The following FGF13 variants were observed in gnomAD, a reference collection of about 807,000 sequenced individuals.
The protein encoded by FGF13 is fibroblast growth factor 13, also known as fibroblast growth factor homologous factor 2.
FGF13 carries 2 observed loss-of-function variants against 19.5 expected under a neutral mutation model. The ratio of observed to expected loss-of-function variants is 0.10; its 90% confidence interval spans 0.04 to 0.32. The LOEUF is 0.32. FGF13 is among the 10% of genes least tolerant of loss of function. FGF13 has a pLI of 1.00. For missense variants in FGF13, 113 were observed against 192.7 expected (o/e 0.59, Z 2.45); for synonymous variants, 72 against 76.9 (o/e 0.94, Z 0.33).
At chrX:139,135,360 T>G (rs1461238025) in intron 1 of FGF13, among the ~76,000 whole-genome samples, 1 of 112,378 alleles carries the variant, frequency 8.9e-6, no homozygotes, top group Non-Finnish European at 1.9e-5. Flanking sequence ...ATTGTAAAAG[T>G]GACTGTCCAG....
intron 1 of FGF13, among the ~76,000 whole-genome samples, chrX:138,929,253 GTGTGTGTGTGTGTCTCTC>G (rs1313729956): frequency 5.5e-5 from 6 of 108,833 alleles, no homozygotes; most frequent in African/African-American, 2.0e-4. Context: ...GTGTGTGTGT[GTGTGTGTGTGTGTCTCTC>G]TGTGTGTGTG....
chrX:138,756,217 C>T lies in FGF13; in HGVS notation c.218-47289G>A, dbSNP rs183896288. Among the ~76,000 whole-genome samples, 4 of 112,652 alleles carry T rather than the reference C, an allele frequency of 3.6e-5. No individual in the cohort carries two copies. The East Asian group carries it at 1.1e-3, about 32-fold the overall frequency. On this transcript the variant is annotated intron_variant, in intron 3 of 6. Transcript: ENST00000436198. ...ACTAACAAAAGGAGTTTCTCATCCTCCAGATGAAAACCTTTGCTACAATTC... is the reference window on the plus strand; with the variant it reads ...ACTAACAAAAGGAGTTTCTCATCCTTCAGATGAAAACCTTTGCTACAATTC...
intron 3 of FGF13, among the ~76,000 whole-genome samples, chrX:138,789,402 G>A (rs1453275486): frequency 9.6e-6 from 1 of 104,408 alleles, no homozygotes; most frequent in African/African-American, 3.5e-5. Flanking sequence ...GGATGGTCTC[G>A]ATCTCCTGAC....
chrX:139,159,601 G>A (rs1012897032), intron 1 of FGF13, among the ~76,000 whole-genome samples: 7 of 99,717 alleles, frequency 7.0e-5, no homozygotes, highest in Middle Eastern at 5.7e-3. Flanking sequence ...GTGCAAAGAC[G>A]CACAGAGGCT....
chrX:138,733,102 T>G (rs1366260899), intron 1 of FGF13, among the ~76,000 whole-genome samples: 1 of 111,768 alleles, frequency 8.9e-6, no homozygotes, highest in Non-Finnish European at 1.9e-5. Context: ...AAATGTGATT[T>G]TGGATATTTT....
At chrX:139,014,940 A>G (rs1208552403) in intron 1 of FGF13, among the ~76,000 whole-genome samples, 4 of 111,767 alleles carry the variant, frequency 3.6e-5, no homozygotes, top group African/African-American at 6.5e-5. Flanking sequence ...GTGATACATC[A>G]TATCAACAGA....
chrX:138,744,400 G>T (rs1444518431), intron 3 of FGF13, among the ~76,000 whole-genome samples: 1 of 111,786 alleles, frequency 8.9e-6, no homozygotes, highest in Non-Finnish European at 1.9e-5. Flanking sequence ...CCACAATCAT[G>T]CAAAAACAGG....
chrX:138,850,567 C>T (rs1239473541), intron 3 of FGF13, among the ~76,000 whole-genome samples: 5 of 111,965 alleles, frequency 4.5e-5, no homozygotes, highest in Admixed American at 2.8e-4. Context: ...CTGCCATTTG[C>T]TTCAATGAGC....
chrX:139,052,010 A>C (rs2092304362), intron 1 of FGF13, among the ~76,000 whole-genome samples: 2 of 112,364 alleles, frequency 1.8e-5, no homozygotes, highest in African/African-American at 3.2e-5. Context: ...TCATCTGTTC[A>C]TATCTTTATG....
chrX:138,907,187 A>G (rs1168832211), intron 1 of FGF13, among the ~76,000 whole-genome samples: 1 of 111,593 alleles, frequency 9.0e-6, no homozygotes, highest in Admixed American at 9.5e-5. Flanking sequence ...ATCTTAGCTC[A>G]GCTTAACTAA....
At chrX:139,170,660 A>G (rs4385606) in intron 1 of FGF13, among the ~76,000 whole-genome samples, 26,032 of 110,685 alleles carry the variant, frequency 0.24, 2,354 homozygotes, top group Middle Eastern at 0.28. Context: ...TCCAGCTTTC[A>G]CACCTTGGCA....
chrX:139,186,592 C>T (rs973849618), intron 1 of FGF13, among the ~76,000 whole-genome samples: 1 of 111,650 alleles, frequency 9.0e-6, no homozygotes, highest in Non-Finnish European at 1.9e-5. Flanking sequence ...GAAATCCAAA[C>T]TCTTCATCCT....
chrX:138,976,255 T>G (rs775742682), intron 1 of FGF13, among the ~76,000 whole-genome samples: 1 of 111,796 alleles, frequency 8.9e-6, no homozygotes, highest in East Asian at 2.8e-4. Context: ...TTAAAGAATA[T>G]TTTTTAAAAA....
chrX:138,766,543 C>T (rs1048218534), intron 3 of FGF13, among the ~76,000 whole-genome samples: 8 of 112,166 alleles, frequency 7.1e-5, no homozygotes, highest in Non-Finnish European at 1.1e-4. Flanking sequence ...AGTCAAATAA[C>T]GCAACCCATA....
intron 3 of FGF13, among the ~76,000 whole-genome samples, chrX:138,653,998 A>G (rs781347236): frequency 3.6e-5 from 4 of 112,114 alleles, no homozygotes; most frequent in Non-Finnish European, 7.5e-5. Flanking sequence ...TACATTCTGT[A>G]TTAAGGAAGC....
At chrX:139,062,153 G>C (rs1316326852) in intron 1 of FGF13, among the ~76,000 whole-genome samples, 1 of 110,831 alleles carries the variant, frequency 9.0e-6, no homozygotes, top group Non-Finnish European at 1.9e-5. Context: ...CCAATGTCAC[G>C]GAGCTTTCCC....
At chrX:139,066,958 G>C (rs1215039548) in intron 1 of FGF13, among the ~76,000 whole-genome samples, 3 of 111,509 alleles carry the variant, frequency 2.7e-5, no homozygotes, top group African/African-American at 6.5e-5. Flanking sequence ...TCATCCCTCG[G>C]ATGCAAGGCT....
chrX:138,711,284 G>T lies in FGF13; in HGVS notation c.-281C>A. 1 of 959,390 alleles carries T rather than the reference G, an allele frequency of 1.0e-6. No homozygotes were observed. The highest frequency in any genetic ancestry group is 1.3e-6 in the Non-Finnish European group (1 of 769,221). The allele number at this position is 959,390 out of a possible 1,213,427, so 79.1% of individuals were successfully genotyped here. On this transcript the variant is annotated 5_prime_UTR_variant, in exon 1 of 5. Transcript: ENST00000315930. ...GGGCCCGGGATCGCGGGCGAGACTG[G>T]CACGCGGATGCTGAACTGCGCGACT...
chrX:138,726,338 C>A (rs1415695149), intron 1 of FGF13, among the ~76,000 whole-genome samples: 1 of 111,876 alleles, frequency 8.9e-6, no homozygotes, highest in Non-Finnish European at 1.9e-5. Context: ...AATTGCGAAT[C>A]TTGATCCAGT....
Sources: gnomAD v4.1 joint callset for allele counts (sites outside exome capture counted in the v4.1 genomes callset) on GRCh38, gnomAD v4.1.1 for gene constraint, MANE v1.5 for transcripts, NCBI Gene and HGNC (gene_info 2026-07-23, HGNC 2026-07-21) for gene names.